UGT1A6: variants seen among roughly 807,000 people sequenced by gnomAD.
The protein encoded by UGT1A6 is UDP glucuronosyltransferase family 1 member A6, also known as UDP-glucuronosyltransferase 1A6.
In UGT1A6, 32 loss-of-function variants were observed where a neutral mutation model predicts 44.4. The ratio of observed to expected loss-of-function variants is 0.72; its 90% confidence interval spans 0.54 to 0.97. UGT1A6 has a LOEUF of 0.97. UGT1A6 is among the 50% of genes least tolerant of loss of function. UGT1A6 has a pLI of 0.00. For missense variants in UGT1A6, 685 were observed against 661.9 expected (o/e 1.03, Z -0.38); for synonymous variants, 238 against 248.5 (o/e 0.96, Z 0.40).
At chr2:233,747,140 A>T in intron 1 of UGT1A6, 1 of 1,552,466 alleles carries the variant, frequency 6.4e-7, no homozygotes. Context: ...GTGACAAGGT[A>T]ATTAAGATGA....
chr2:233,724,357 C>G (rs1187389478), intron 1 of UGT1A6, among the ~76,000 whole-genome samples: 134 of 144,268 alleles, frequency 9.3e-4, no homozygotes, highest in African/African-American at 3.3e-3. Context: ...CCACCTCCCT[C>G]CCGGACGGGG....
chr2:233,719,190 C>A (rs772886660), intron 1 of UGT1A6: 19 of 1,614,048 alleles, frequency 1.2e-5, no homozygotes, highest in Admixed American at 1.0e-4. Flanking sequence ...ATCTTTGGCC[C>A]TTCATAGGTG....
At position 233,693,154 on chromosome 2, in the gene UGT1A6, T is replaced by A. The variant is rs774068638; in HGVS notation, c.150T>A (p.Ser50Arg). 1 of 1,614,252 alleles carries A rather than the reference T, an allele frequency of 6.2e-7. No homozygotes were observed. Among genetic ancestry groups the A allele is most frequent in the Non-Finnish European group, 8.5e-7 (1 of 1,180,044 alleles). Residue 50 changes from serine to arginine, a missense_variant, in exon 1 of 5, where the codon AGT (serine) becomes AGA (arginine). Ser to Arg is a moderately radical substitution (Grantham distance 110). Transcript: ENST00000305139. Reference protein sequence around the residue: ...LSMKDIVEVLSDRGHEIVVVV... With the variant: ...LSMKDIVEVLRDRGHEIVVVV... ...TGAAGGATATAGTTGAGGTTCTCAG[T>A]GACCGGGGTCATGAGATTGTAGTGG...
At chr2:233,768,058 C>A in intron 3 of UGT1A6, 122 bp downstream of exon 3, 3 of 1,601,872 alleles carry the variant, frequency 1.9e-6, no homozygotes, top group Non-Finnish European at 2.6e-6. Context: ...TCCTACATTG[C>A]TTTTTATCTA....
intron 1 of UGT1A6, among the ~76,000 whole-genome samples, chr2:233,749,511 A>G (rs944951323): frequency 2.0e-5 from 3 of 151,918 alleles, no homozygotes; most frequent in East Asian, 3.8e-4. Flanking sequence ...ATTAGAGAAC[A>G]CTAGCAAGGC....
At chr2:233,741,092 C>G (rs1056351038) in intron 1 of UGT1A6, among the ~76,000 whole-genome samples, 2 of 151,810 alleles carry the variant, frequency 1.3e-5, no homozygotes, top group African/African-American at 4.9e-5. Flanking sequence ...AACAAACAAG[C>G]AAACAGACAA....
intron 4 of UGT1A6, among the ~76,000 whole-genome samples, 167 bp from the exon 5 acceptor site, chr2:233,772,095 A>T (rs35172078): frequency 0.012 from 1,767 of 152,322 alleles, 16 homozygotes; most frequent in Middle Eastern, 0.031. Context: ...CCCGGGCAAC[A>T]GGGCAAGACT....
At chr2:233,758,253 TAGTA>T (rs1415898131) in intron 1 of UGT1A6, among the ~76,000 whole-genome samples, 2 of 152,180 alleles carry the variant, frequency 1.3e-5, no homozygotes, top group African/African-American at 2.4e-5. Context: ...CTATTCAGAT[TAGTA>T]AGTATTTCTT....
At chr2:233,713,061 C>T (rs1420543594) in intron 1 of UGT1A6, 5 of 1,614,008 alleles carry the variant, frequency 3.1e-6, no homozygotes, top group East Asian at 2.2e-5. Context: ...CAGTGTCCAG[C>T]CCTGGGCTGA....
chr2:233,744,040 C>T (rs1692664957), intron 1 of UGT1A6: 2 of 766,390 alleles, frequency 2.6e-6, no homozygotes, highest in South Asian at 1.7e-5. Context: ...TATGACGCAG[C>T]CACATCTCAT....
intron 1 of UGT1A6, among the ~76,000 whole-genome samples, chr2:233,705,148 A>AAG (rs939982250): frequency 1.6e-4 from 24 of 150,886 alleles, no homozygotes; most frequent in Admixed American, 1.5e-3. Flanking sequence ...AAAAAAAAAA[A>AAG]AGAGAGAGAG....
intron 1 of UGT1A6, chr2:233,718,687 G>C (rs878940196): frequency 1.1e-5 from 18 of 1,583,966 alleles, no homozygotes; most frequent in Admixed American, 9.0e-5. Context: ...TAAGTAACTG[G>C]AGGAGGGCAC....
chr2:233,698,522 ATAAAG>A (rs1173933802), intron 1 of UGT1A6, among the ~76,000 whole-genome samples: 1 of 152,236 alleles, frequency 6.6e-6, no homozygotes, highest in Non-Finnish European at 1.5e-5. Context: ...TCGGCAATAC[ATAAAG>A]TAAACAGAAC....
At chr2:233,720,408 G>T (rs886330987) in intron 1 of UGT1A6, among the ~76,000 whole-genome samples, 1 of 152,092 alleles carries the variant, frequency 6.6e-6, no homozygotes, top group African/African-American at 2.4e-5. Context: ...GTGGGTGGAA[G>T]GGACTAGGGA....
intron 1 of UGT1A6, among the ~76,000 whole-genome samples, chr2:233,733,272 C>A (rs1167854143): frequency 6.6e-6 from 1 of 152,152 alleles, no homozygotes; most frequent in African/African-American, 2.4e-5. Context: ...TATTTGACTT[C>A]CTCTTTTCCT....
intron 1 of UGT1A6, among the ~76,000 whole-genome samples, chr2:233,695,287 A>T (rs775200577): frequency 6.6e-6 from 1 of 151,766 alleles, no homozygotes; most frequent in Non-Finnish European, 1.5e-5. Context: ...CACCATTCCC[A>T]GCTAATTTTT....
intron 1 of UGT1A6, chr2:233,708,835 T>G (rs2076042960): frequency 6.6e-6 from 1 of 152,160 alleles, no homozygotes; most frequent in South Asian, 2.1e-4. Context: ...GTGAATTTGT[T>G]GCAGGGCTTT....
At chr2:233,694,323 T>G (rs764073921) in intron 1 of UGT1A6, among the ~76,000 whole-genome samples, 4 of 152,006 alleles carry the variant, frequency 2.6e-5, no homozygotes, top group Non-Finnish European at 5.9e-5. Flanking sequence ...TTTCCTTTTA[T>G]GTTGAGACCT....
At chr2:233,735,488 T>C (rs1165192610) in intron 1 of UGT1A6, among the ~76,000 whole-genome samples, 1 of 152,208 alleles carries the variant, frequency 6.6e-6, no homozygotes, top group African/African-American at 2.4e-5. Flanking sequence ...TGTTTTTTAA[T>C]TGCAGCATTT....
Sources: allele counts gnomAD v4.1 joint callset (sites outside exome capture counted in the v4.1 genomes callset), GRCh38; gene constraint gnomAD v4.1.1; transcripts MANE v1.5; gene names NCBI Gene and HGNC (gene_info 2026-07-23, HGNC 2026-07-21).